Variants in APOB observed in about 807,000 individuals in gnomAD.
APOB encodes the protein apolipoprotein B.
A neutral mutation model predicts 314.1 loss-of-function variants in APOB; 153 were observed. The observed-to-expected ratio is 0.49, with a 90% CI of 0.43 to 0.56. The LOEUF (loss-of-function observed/expected upper bound fraction) is 0.56, where lower values mean the gene tolerates loss of function less well. APOB is among the 20% of genes least tolerant of loss of function. APOB has a pLI of 0.00. For missense variants in APOB, 5,430 were observed against 5,350.7 expected (o/e 1.01, Z -0.46); for synonymous variants, 2,087 against 2,036.4 (o/e 1.02, Z -0.67).
At position 21,011,895 on chromosome 2, in the gene APOB, G is replaced by T; in HGVS notation, c.4973C>A (p.Thr1658Asn). The change falls in exon 26 of 29, where the codon ACC (threonine) becomes AAC (asparagine). Residue 1658 changes from threonine to asparagine, a missense_variant. Around this residue, in one of 3 missense-constraint regions of APOB, gnomAD observed 2,085 missense variants for 2,079.7 expected, o/e 1.00. Coordinates refer to ENST00000233242, the MANE Select transcript of APOB (RefSeq NM_000384.3). ...GQDGISTSATTNLKCSLLVLE... is the reference protein window; with the variant it reads ...GQDGISTSATNNLKCSLLVLE... ...CACCAGGAGACTACACTTCAAGTTG[G>T]TCGTTGCACTGGTAGATATTCCATC... The T allele has an allele frequency of 6.2e-7, 1 of 1,613,936 alleles. No homozygotes were observed. Among genetic ancestry groups the T allele is most frequent in the Non-Finnish European group, 8.5e-7 (1 of 1,180,026 alleles).
chr2:21,032,387 G>T lies in APOB; in HGVS notation c.1319C>A (p.Ala440Asp). Residue 440 changes from alanine to aspartate, a missense_variant, in exon 10 of 29, where the codon GCC becomes GAC. By Grantham distance (126) the Ala-to-Asp change is moderately radical (BLOSUM62 -2). This residue lies in a region of APOB where 2,085 missense variants were observed against 2,079.7 expected (regional missense o/e 1.00). Transcript: ENST00000233242. ...CGCGTGGCTCAGCGCATACAAGGTG[G>T]CTCGGCTGCGCTGATCCCTCGCCAT... ...FNMARDQRSR[A>D]TLYALSHAVN... The T allele has an allele frequency of 4.3e-6, 7 of 1,613,844 alleles. No homozygotes were observed. Among genetic ancestry groups the T allele is most frequent in the Non-Finnish European group, 5.9e-6 (7 of 1,180,030 alleles).
intron 7 of APOB, among the ~76,000 whole-genome samples, chr2:21,035,355 A>G (rs1263898317): frequency 6.6e-6 from 1 of 152,166 alleles, no homozygotes; most frequent in East Asian, 1.9e-4. Context: ...TACAGCCCTT[A>G]AAGAATGGGT....
intron 2 of APOB, 49 bp from the exon 3 acceptor site, chr2:21,042,525 A>G (rs764577723): frequency 2.8e-6 from 4 of 1,407,492 alleles, no homozygotes; most frequent in Non-Finnish European, 4.0e-6. Flanking sequence ...TAGCTCTCCC[A>G]AGGACAGCCA....
Position 21,037,372 on chromosome 2 carries a change from G to C in APOB, c.538-117C>G. The C allele has an allele frequency of 5.2e-6, 6 of 1,155,620 alleles. No individual in the cohort carries two copies. In the South Asian group the frequency reaches 7.9e-5, roughly 15 times the overall value. 71.6% of individuals were successfully genotyped at this position (1,155,620 alleles called of 1,614,324 possible). ...AGCAGAAGGAATCTAGCTTTGGGAGGGACTTTCTTTTTCTTCCTATGCAGA... is the reference window on the plus strand; with the variant it reads ...AGCAGAAGGAATCTAGCTTTGGGAGCGACTTTCTTTTTCTTCCTATGCAGA... On this transcript the variant is annotated intron_variant, in intron 5 of 28. Transcript: ENST00000233242.
Position 21,008,008 on chromosome 2 carries a change from G to A in APOB, c.8860C>T (p.Leu2954Phe). ...SQISFTIEGPLTSFGLSNKIN... is the reference protein window; with the variant it reads ...SQISFTIEGPFTSFGLSNKIN... The stretch of plus-strand genomic sequence containing the variant: ...TTATTGGACAGTCCAAAGGAAGTGA[G>A]GGGTCCTTCTATGGTGAAACTAATT... Residue 2954 changes from leucine to phenylalanine, a missense_variant, in exon 26 of 29, where the codon CTC becomes TTC. Physicochemically the swap from Leu to Phe is conservative, Grantham distance 22 (BLOSUM62 0). Around this residue, in one of 3 missense-constraint regions of APOB, gnomAD observed 3,281 missense variants for 3,171.0 expected, o/e 1.03. Transcript: ENST00000233242. 1 of 1,614,086 alleles carries A rather than the reference G, an allele frequency of 6.2e-7. No individual in the cohort carries two copies. Among genetic ancestry groups the A allele is most frequent in the Non-Finnish European group, 8.5e-7 (1 of 1,179,950 alleles).
chr2:21,013,667 C>T (rs558213358), intron 24 of APOB, 134 bp from the exon 25 acceptor site: 22 of 1,273,196 alleles, frequency 1.7e-5, no homozygotes, highest in Non-Finnish European at 2.4e-5. Flanking sequence ...TGTGCTACTC[C>T]TATGCCTGGA....
rs1314600902 is a variant in APOB, at chr2:21,006,049, G to C, written c.10819C>G (p.Pro3607Ala). 6.2e-7 allele frequency: 1 copy of C among 1,614,028 alleles called. No homozygotes were observed. Among genetic ancestry groups the C allele is most frequent in the East Asian group, 2.2e-5 (1 of 44,874 alleles). The change falls in exon 26 of 29, where the codon CCC (proline) becomes GCC (alanine). Residue 3607 changes from proline (P) to alanine (A), a missense_variant. Around this residue, in one of 3 missense-constraint regions of APOB, gnomAD observed 3,281 missense variants for 3,171.0 expected, o/e 1.03. Coordinates refer to ENST00000233242, the MANE Select transcript of APOB (RefSeq NM_000384.3). ...SALVQVHASQPSSFHDFPDLG... is the reference protein window; with the variant it reads ...SALVQVHASQASSFHDFPDLG... Reference sequence around the variant, plus strand: ...TCAGGGAAATCATGGAAGGAACTGGGCTGACTTGCATGGACCTGAACAAGA... The same window carrying C: ...TCAGGGAAATCATGGAAGGAACTGGCCTGACTTGCATGGACCTGAACAAGA...
rs1572795226 is a variant in APOB, at chr2:21,026,946, C to T, written c.2086G>A (p.Gly696Ser). The change falls in exon 15 of 29, where the codon GGC becomes AGC. Residue 696 changes from glycine to serine, a missense_variant. Coordinates refer to ENST00000233242, the MANE Select transcript of APOB (RefSeq NM_000384.3). ...DLIEIGLEGK[G>S]FEPTLEALFG... ...AGAGCTTCCAATGTTGGCTCAAAGC[C>T]TTTTCCTTCCAAGCCAATCTGAGAA... The T allele has an allele frequency of 1.9e-6, 3 of 1,614,152 alleles. No individual in the cohort carries two copies. The highest frequency in any genetic ancestry group is 2.5e-6 in the Non-Finnish European group (3 of 1,180,012).
At chr2:21,030,102 T>C in intron 10 of APOB, 87 bp from the exon 11 acceptor site, 1 of 849,300 alleles carries the variant, frequency 1.2e-6, no homozygotes, top group Non-Finnish European at 2.0e-6. Context: ...AAAAAATAAT[T>C]ATAAAATTCA....
chr2:21,001,971 G>T lies in APOB; in HGVS notation c.13451C>A (p.Thr4484Lys), dbSNP rs12713450. The T allele has an allele frequency of 1.9e-6, 3 of 1,613,888 alleles. No homozygotes were observed. Among genetic ancestry groups the T allele is most frequent in the Admixed American group, 1.7e-5 (1 of 60,000 alleles). ...QEIIKSQAIATKKIISDYHQQ... is the reference protein window; with the variant it reads ...QEIIKSQAIAKKKIISDYHQQ... ...GTGGTAATCAGAAATTATTTTCTTC[G>T]TCGCAATGGCCTGGCTTTTAATTAT... Residue 4484 changes from threonine to lysine, a missense_variant, in exon 29 of 29, where the codon ACG (threonine) becomes AAG (lysine). By Grantham distance (78) the Thr-to-Lys change is moderately conservative (BLOSUM62 -1). Coordinates refer to ENST00000233242, the MANE Select transcript of APOB (RefSeq NM_000384.3).
Position 21,015,272 on chromosome 2 carries a change from T to C in APOB, c.3509-12A>G, listed in dbSNP as rs1663438393. On this transcript the variant is annotated splice_polypyrimidine_tract_variant and intron_variant, in intron 22 of 28. Coordinates refer to ENST00000233242, the MANE Select transcript of APOB (RefSeq NM_000384.3). Reference sequence around the variant, plus strand: ...AATCTTCTCTTCATCTGAAAATACGTAGGAAATAGTTGTGAATGGTACTAG... The same window carrying C: ...AATCTTCTCTTCATCTGAAAATACGCAGGAAATAGTTGTGAATGGTACTAG... 1 of 1,613,986 alleles carries C rather than the reference T, an allele frequency of 6.2e-7. No homozygotes were observed.
Position 21,007,770 on chromosome 2 carries a change from A to C in APOB, c.9098T>G (p.Leu3033Trp), listed in dbSNP as rs1244114950. The C allele has an allele frequency of 6.2e-7, 1 of 1,613,966 alleles. No individual in the cohort carries two copies. Residue 3033 changes from leucine (L) to tryptophan (W), a missense_variant, in exon 26 of 29, where the codon TTG (leucine) becomes TGG (tryptophan). By Grantham distance (61) the Leu-to-Trp change is moderately conservative (BLOSUM62 -2). This residue lies in a region of APOB where 3,281 missense variants were observed against 3,171.0 expected (regional missense o/e 1.03). Coordinates refer to ENST00000233242, the MANE Select transcript of APOB (RefSeq NM_000384.3). The part of the protein sequence containing the change: ...AHLNGKVIGT[L>W]KNSLFFSAQP... ...GGCTGAAAAGAAAAGAGAATTTTTC[A>C]AAGTTCCAATAACCTTTCCATTTAA...
chr2:21,004,081 A>G (rs1367198042), intron 28 of APOB, among the ~76,000 whole-genome samples, 188 bp downstream of exon 28: 2 of 152,200 alleles, frequency 1.3e-5, no homozygotes, highest in Non-Finnish European at 2.9e-5. Flanking sequence ...GTGTGCATCT[A>G]AACATTAAAA....
Position 21,002,971 on chromosome 2 carries a change from G to T in APOB, c.12451C>A (p.Leu4151Met). Residue 4151 changes from leucine (L) to methionine (M), a missense_variant, in exon 29 of 29, where the codon CTG becomes ATG. Around this residue, in one of 3 missense-constraint regions of APOB, gnomAD observed 3,281 missense variants for 3,171.0 expected, o/e 1.03. Coordinates refer to ENST00000233242, the MANE Select transcript of APOB (RefSeq NM_000384.3). The part of the protein sequence containing the change: ...YQEWKDKAQN[L>M]YQELLTQEGQ... The stretch of plus-strand genomic sequence containing the variant: ...TCCTGAGTCAACAGTTCCTGGTACA[G>T]ATTCTGGGCCTTGTCCTTCCACTCT... The T allele has an allele frequency of 6.2e-7, 1 of 1,601,672 alleles. No homozygotes were observed. The highest frequency in any genetic ancestry group is 1.7e-5 in the Admixed American group (1 of 59,078).
chr2:21,012,703 G>A (rs751955322), intron 25 of APOB, 52 bp from the exon 26 acceptor site: 11 of 1,580,038 alleles, frequency 7.0e-6, no homozygotes, highest in Non-Finnish European at 9.5e-6. Context: ...CATTTCCAGA[G>A]CAATCTCTAT....
rs1456832174 is a variant in APOB at position 21,007,531 on chromosome 2, C to A, written c.9337G>T (p.Ala3113Ser). The change falls in exon 26 of 29, where the codon GCC becomes TCC. Residue 3113 changes from alanine to serine, a missense_variant. Ala to Ser is a moderately conservative substitution (Grantham distance 99). Around this residue, in one of 3 missense-constraint regions of APOB, gnomAD observed 3,281 missense variants for 3,171.0 expected, o/e 1.03. Transcript: ENST00000233242. Reference protein sequence around the residue: ...SAGNNENIMEAHVGINGEANL... With the variant: ...SAGNNENIMESHVGINGEANL... ...GCTTCTCCATTTATTCCTACATGGG[C>A]CTCCATAATGTTCTCGTTGTTTCCA... is the stretch of plus-strand genomic sequence containing the variant. 1 of 1,614,034 alleles carries A rather than the reference C, an allele frequency of 6.2e-7. No individual in the cohort carries two copies. The highest frequency in any genetic ancestry group is 8.5e-7 in the Non-Finnish European group (1 of 1,179,950).
chr2:21,037,420 C>T (rs1664032398), intron 5 of APOB, among the ~76,000 whole-genome samples, 165 bp from the exon 6 acceptor site: 1 of 152,070 alleles, frequency 6.6e-6, no homozygotes, highest in Non-Finnish European at 1.5e-5. Context: ...TAGTGCCTGG[C>T]CAGCCCAAGT....
In APOB at chr2:21,002,062, T is replaced by A; in HGVS notation, c.13360A>T (p.Ile4454Phe). The A allele has an allele frequency of 6.2e-7, 1 of 1,614,026 alleles. No homozygotes were observed. The highest frequency in any genetic ancestry group is 8.5e-7 in the Non-Finnish European group (1 of 1,179,986). The change falls in exon 29 of 29, where the codon ATC becomes TTC. Residue 4454 changes from isoleucine (I) to phenylalanine (F), a missense_variant. Physicochemically the swap from Ile to Phe is conservative, Grantham distance 21 (BLOSUM62 0). Transcript: ENST00000233242. The stretch of plus-strand genomic sequence containing the variant: ...CCTTTTCCATCTGGATCGGTAAGGA[T>A]GCTAAGATATTCCTGAATATTTCTG... Reference protein sequence around the residue: ...LHRNIQEYLSILTDPDGKGKE... With the variant: ...LHRNIQEYLSFLTDPDGKGKE...
At position 21,006,598 on chromosome 2, in the gene APOB, A is replaced by T. The variant is rs1425159052; in HGVS notation, c.10270T>A (p.Ser3424Thr). The T allele has an allele frequency of 1.9e-6, 3 of 1,614,044 alleles. No homozygotes were observed. The highest frequency in any genetic ancestry group is 2.5e-6 in the Non-Finnish European group (3 of 1,179,972). ...VSLTTKNMEV[S>T]VATTTKAQIP... ...TGGGCTTTTGTGGTTGTTGCCACTG[A>T]CACTTCCATATTTTTCGTGGTTAAG... Residue 3424 changes from serine (S) to threonine (T), a missense_variant, in exon 26 of 29, where the codon TCA (serine) becomes ACA (threonine). This residue lies in a region of APOB where 3,281 missense variants were observed against 3,171.0 expected (regional missense o/e 1.03). Coordinates refer to ENST00000233242, the MANE Select transcript of APOB (RefSeq NM_000384.3).
Sources: gnomAD v4.1 joint callset for allele counts (sites outside exome capture counted in the v4.1 genomes callset) on GRCh38, gnomAD v4.1.1 for gene constraint, gnomAD v4.1.1 regional missense constraint, MANE v1.5 for transcripts, NCBI Gene and HGNC (gene_info 2026-07-23, HGNC 2026-07-21) for gene names.